The following LPP variants were observed in gnomAD, a reference collection of about 807,000 sequenced individuals.
LPP encodes LIM domain containing preferred translocation partner in lipoma, also known as lipoma-preferred partner.
Under a neutral mutation model 60.4 loss-of-function variants are expected in LPP, and 38 were observed. The observed-to-expected ratio is 0.63, with a 90% CI of 0.49 to 0.83. The LOEUF is 0.83. Ranked by LOEUF, LPP falls within the 40% of genes least tolerant of loss-of-function variation. The pLI is 0.00. For synonymous variants in LPP, 328 were observed against 290.8 expected (o/e 1.13, Z -1.30); for missense variants, 902 against 783.6 (o/e 1.15, Z -1.80).
intron 9 of LPP, among the ~76,000 whole-genome samples, chr3:188,813,288 A>T (rs1239678722): frequency 6.6e-6 from 1 of 152,174 alleles, no homozygotes; most frequent in Non-Finnish European, 1.5e-5. Flanking sequence ...TCAGTCACTC[A>T]TGTCCCTCTG....
chr3:188,541,938 A>G (rs1825303451), intron 6 of LPP, among the ~76,000 whole-genome samples: 1 of 152,168 alleles, frequency 6.6e-6, no homozygotes, highest in African/African-American at 2.4e-5. Flanking sequence ...AAAATTGTAT[A>G]GATTTATGGT....
chr3:188,310,668 A>G (rs1753123187), intron 2 of LPP, among the ~76,000 whole-genome samples: 2 of 152,168 alleles, frequency 1.3e-5, no homozygotes, highest in African/African-American at 4.8e-5. Flanking sequence ...GATTTTTTTA[A>G]AATTCATTTT....
chr3:188,682,722 T>A (rs1859802767), intron 7 of LPP, among the ~76,000 whole-genome samples: 1 of 152,210 alleles, frequency 6.6e-6, no homozygotes, highest in Non-Finnish European at 1.5e-5. Context: ...TGTCCAAGGA[T>A]GTCAATAATC....
chr3:188,393,024 A>G (rs1306780089), intron 3 of LPP, among the ~76,000 whole-genome samples: 1 of 96,016 alleles, frequency 1.0e-5, no homozygotes, highest in African/African-American at 6.1e-5. Context: ...TGTATTTTAG[A>G]CACATTTTTT....
rs746607696 is a variant in LPP, at chr3:188,201,674, T to A, written c.-189-23731T>A. ...GTGAGGTGAGATCATACCACTGCAC[T>A]CCAGCCTGGGTGACAGAGTGAGATT... On this transcript the variant is annotated intron_variant, in intron 1 of 11. Transcript: ENST00000617246. Among the ~76,000 whole-genome samples the A allele has an allele frequency of 3.9e-5, 6 of 152,060 alleles. No homozygotes were observed. In the South Asian group the frequency reaches 6.2e-4, roughly 16 times the overall value.
chr3:188,653,970 G>A (rs1420912892), intron 7 of LPP, among the ~76,000 whole-genome samples: 1 of 152,140 alleles, frequency 6.6e-6, no homozygotes. Context: ...TAGGGTAAAG[G>A]ATTATCATGC....
intron 5 of LPP, among the ~76,000 whole-genome samples, chr3:188,505,914 G>A (rs1813317078): frequency 6.6e-6 from 1 of 152,094 alleles, no homozygotes; most frequent in African/African-American, 2.4e-5. Context: ...ATTTTTCAGA[G>A]TACTCTATGA....
chr3:188,874,315 T>TACTTATGTCGTTTCC, intron 11 of LPP, 36 bp from the exon 12 acceptor site: 1 of 1,591,012 alleles, frequency 6.3e-7, no homozygotes, highest in Non-Finnish European at 8.6e-7. Flanking sequence ...TTAACGTTTT[T>TACTTATGTCGTTTCC]ACTTATGTCG....
At chr3:188,488,927 G>C (rs1031686623) in intron 5 of LPP, among the ~76,000 whole-genome samples, 2 of 152,030 alleles carry the variant, frequency 1.3e-5, no homozygotes, top group Non-Finnish European at 2.9e-5. Context: ...ATGATCCACC[G>C]CGCCCGGCCA....
intron 2 of LPP, among the ~76,000 whole-genome samples, chr3:188,285,523 T>C: frequency 6.6e-6 from 1 of 152,096 alleles, no homozygotes; most frequent in Non-Finnish European, 1.5e-5. Flanking sequence ...GGCTCAATCC[T>C]GAGTAGCTGG....
intron 2 of LPP, among the ~76,000 whole-genome samples, chr3:188,295,264 G>A (rs1323267646): frequency 6.6e-6 from 1 of 152,188 alleles, no homozygotes; most frequent in Non-Finnish European, 1.5e-5. Context: ...ATTCCAGTAA[G>A]TGACTCACTT....
chr3:188,277,167 G>A (rs1253640314), intron 2 of LPP, among the ~76,000 whole-genome samples: 7 of 152,010 alleles, frequency 4.6e-5, no homozygotes, highest in Non-Finnish European at 1.0e-4. Flanking sequence ...ACCTCACAAC[G>A]TGCTGGGATT....
chr3:188,409,472 TATC>T (rs766299431), intron 4 of LPP, among the ~76,000 whole-genome samples: 5 of 152,268 alleles, frequency 3.3e-5, no homozygotes, highest in African/African-American at 7.2e-5. Context: ...ATTTAAATGT[TATC>T]AGTGCATTCT....
chr3:188,252,857 C>T (rs775521593), intron 2 of LPP, among the ~76,000 whole-genome samples: 16 of 152,230 alleles, frequency 1.1e-4, no homozygotes, highest in Non-Finnish European at 1.8e-4. Context: ...CTGCGATCTC[C>T]GCCTCCCAGG....
intron 1 of LPP, among the ~76,000 whole-genome samples, chr3:188,164,331 G>C (rs926681840): frequency 2.0e-5 from 3 of 152,168 alleles, no homozygotes; most frequent in African/African-American, 7.2e-5. Flanking sequence ...GGCCCATCTT[G>C]ATAATGATCT....
At chr3:188,599,751 G>GGTGTGTGTGTGTGTGTGTGTGTGTGTGT (rs71169011) in intron 6 of LPP, among the ~76,000 whole-genome samples, 1 of 139,828 alleles carries the variant, frequency 7.2e-6, no homozygotes, top group African/African-American at 2.7e-5. Context: ...ACTCGTTAGG[G>GGTGTGTGTGTGTGTGTGTGTGTGTGTGT]GTGTGTGTGT....
chr3:188,826,295 C>T (rs902527794), intron 9 of LPP, among the ~76,000 whole-genome samples: 12 of 152,150 alleles, frequency 7.9e-5, no homozygotes, highest in Admixed American at 2.6e-4. Flanking sequence ...AAATGCTCTG[C>T]GGTTTCTGCA....
intron 5 of LPP, 91 bp downstream of exon 5, chr3:188,484,795 T>G: frequency 2.2e-6 from 2 of 896,810 alleles, no homozygotes; most frequent in African/African-American, 3.3e-5. Context: ...ATTTCATGAG[T>G]GTTTCTGTGC....
intron 9 of LPP, among the ~76,000 whole-genome samples, chr3:188,827,856 T>C (rs562868672): frequency 5.3e-5 from 8 of 152,298 alleles, no homozygotes; most frequent in African/African-American, 1.9e-4. Flanking sequence ...GCTCCTCCCA[T>C]CTGCTTCCCG....
Sources: gnomAD v4.1 joint callset for allele counts (sites outside exome capture counted in the v4.1 genomes callset) on GRCh38, gnomAD v4.1.1 for gene constraint, MANE v1.5 for transcripts, NCBI Gene and HGNC (gene_info 2026-07-23, HGNC 2026-07-21) for gene names.